Variants in EFCAB13 observed in about 807,000 individuals in gnomAD.
The protein encoded by EFCAB13 is EF-hand calcium binding domain 13, also known as EF-hand calcium-binding domain-containing protein 13.
EFCAB13 carries 91 observed loss-of-function variants against 110.2 expected under a neutral mutation model. The observed-to-expected ratio is 0.83, with a 90% confidence interval of 0.70 to 0.98. The LOEUF (loss-of-function observed/expected upper bound fraction) is 0.98. Ranked by LOEUF, EFCAB13 falls within the 50% of genes least tolerant of loss-of-function variation. EFCAB13 has a pLI of 0.00. For synonymous variants in EFCAB13, 323 were observed against 369.9 expected, an observed-to-expected ratio of 0.87 and a Z score of 1.45; for missense variants, 968 against 1,119.4, an observed-to-expected ratio of 0.86 and a Z score of 1.93.
In EFCAB13 at chr17:47,417,607, A is replaced by G. The variant is rs1453919702; in HGVS notation, c.2494+2688A>G. 2.0e-5 allele frequency among the ~76,000 whole-genome samples: 3 copies of G among 152,296 alleles called. No homozygotes were observed. The South Asian group carries it at 6.2e-4, about 32-fold the overall frequency. ...ATCCCTATCAAGTCATCTTCAGTTAATTCCTCTGGTGTGGTGTATATTAAC... is the reference window on the plus strand; with the variant it reads ...ATCCCTATCAAGTCATCTTCAGTTAGTTCCTCTGGTGTGGTGTATATTAAC... On this transcript the variant is annotated intron_variant, in intron 23 of 24. Transcript: ENST00000331493.
chr17:47,349,862 C>T (rs2065439402), intron 9 of EFCAB13, among the ~76,000 whole-genome samples: 1 of 145,732 alleles, frequency 6.9e-6, no homozygotes, highest in South Asian at 2.1e-4. Flanking sequence ...GCAAGCTCCG[C>T]TTCCCGGGTT....
At position 47,377,822 on chromosome 17, in the gene EFCAB13, C is replaced by A; in HGVS notation, c.1429C>A (p.Leu477Ile). 6.3e-7 allele frequency: 1 copy of A among 1,593,976 alleles called. No individual in the cohort carries two copies. Reference protein sequence around the residue: ...LQENYIAAEELQSILPSTGIN... With the variant: ...LQENYIAAEEIQSILPSTGIN... ...AGAAAATTACATTGCAGCAGAAGAA[C>A]TTCAGTCTATTTTGCCTTCAACAGG... The change falls in exon 13 of 25, where the codon CTT (leucine) becomes ATT (isoleucine). Residue 477 changes from leucine (L) to isoleucine (I), a missense_variant. Leu to Ile is a conservative substitution (Grantham distance 5). Coordinates refer to ENST00000331493, the MANE Select transcript of EFCAB13 (RefSeq NM_152347.5).
intron 4 of EFCAB13, among the ~76,000 whole-genome samples, chr17:47,331,682 C>G (rs2065320296): frequency 6.6e-6 from 1 of 152,092 alleles, no homozygotes; most frequent in Non-Finnish European, 1.5e-5. Flanking sequence ...ATTATAGTAT[C>G]ATACAGAATA....
chr17:47,421,179 A>G (rs1598762642), intron 23 of EFCAB13, among the ~76,000 whole-genome samples: 1 of 151,854 alleles, frequency 6.6e-6, no homozygotes, highest in African/African-American at 2.4e-5. Flanking sequence ...CCATGATGAC[A>G]ATGGCGGTTT....
chr17:47,374,554 G>C lies in EFCAB13; in HGVS notation c.960G>C (p.Lys320Asn). The C allele has an allele frequency of 6.3e-7, 1 of 1,588,470 alleles. No homozygotes were observed. The highest frequency in any genetic ancestry group is 8.5e-7 in the Non-Finnish European group (1 of 1,173,272). The change falls in exon 12 of 25, where the codon AAG becomes AAC. Residue 320 changes from lysine (K) to asparagine (N), a missense_variant. Physicochemically the swap from Lys to Asn is moderately conservative, Grantham distance 94. Transcript: ENST00000331493. ...SSVAGCYLKY[K>N]KKNSLSSKLP... ...TAGCAGGATGCTATCTAAAATATAA[G>C]AAGAAAAATAGTTTGTCTTCCAAAC...
At chr17:47,439,517 T>C (rs756019987) in intron 24 of EFCAB13, among the ~76,000 whole-genome samples, 12 of 152,184 alleles carry the variant, frequency 7.9e-5, no homozygotes, top group Non-Finnish European at 1.3e-4. Flanking sequence ...CTGACTGCGC[T>C]GGTCCTAAAT....
intron 10 of EFCAB13, among the ~76,000 whole-genome samples, chr17:47,366,849 G>A (rs139880655): frequency 1.4e-3 from 208 of 152,324 alleles, no homozygotes; most frequent in Middle Eastern, 3.4e-3. Context: ...TGTGAACATG[G>A]TTGACTACCA....
At chr17:47,364,558 GC>G (rs1164836571) in intron 10 of EFCAB13, among the ~76,000 whole-genome samples, 1 of 152,088 alleles carries the variant, frequency 6.6e-6, no homozygotes, top group East Asian at 1.9e-4. Flanking sequence ...TGATCCACCT[GC>G]CTTGGCCTCC....
At chr17:47,370,338 T>C in intron 10 of EFCAB13, 99 bp from the exon 11 acceptor site, 1 of 836,962 alleles carries the variant, frequency 1.2e-6, no homozygotes, top group Non-Finnish European at 2.0e-6. Context: ...TCTTTGTTCC[T>C]ACTTGCCACA....
At chr17:47,436,522 T>C (rs1031637823) in intron 24 of EFCAB13, among the ~76,000 whole-genome samples, 1 of 152,188 alleles carries the variant, frequency 6.6e-6, no homozygotes, top group Admixed American at 6.5e-5. Context: ...TCCAGGAATG[T>C]ATCCATGTCT....
intron 17 of EFCAB13, among the ~76,000 whole-genome samples, chr17:47,397,406 G>A (rs1241843952): frequency 4.6e-5 from 7 of 151,268 alleles, no homozygotes; most frequent in South Asian, 4.2e-4. Context: ...CCAAAGTGCC[G>A]AGATTGCAGC....
At chr17:47,371,059 G>T (rs1483800727) in intron 11 of EFCAB13, among the ~76,000 whole-genome samples, 11 of 121,788 alleles carry the variant, frequency 9.0e-5, no homozygotes, top group Non-Finnish European at 1.2e-4. Flanking sequence ...GTTTTTAATG[G>T]TTGTTTTTTT....
chr17:47,350,605 T>G (rs985348571), intron 9 of EFCAB13, among the ~76,000 whole-genome samples: 5 of 151,956 alleles, frequency 3.3e-5, no homozygotes, highest in African/African-American at 1.2e-4. Context: ...GTGTGTGTTT[T>G]TTTTTCTGTT....
rs1006384815 is a variant in EFCAB13 at position 47,344,106 on chromosome 17, G to T, written c.304-56G>T. The T allele has an allele frequency of 2.6e-6, 4 of 1,557,686 alleles. No homozygotes were observed. The African/African-American group carries it at 5.5e-5, about 21-fold the overall frequency. On this transcript the variant is annotated intron_variant, in intron 6 of 24. Coordinates refer to ENST00000331493, the MANE Select transcript of EFCAB13 (RefSeq NM_152347.5). ...TTTAAGAGTTGTATCATCCAAGAAT[G>T]CTGAATTACCAGTGTCACTCACCTC...
chr17:47,329,930 G>T (rs1004220289), intron 4 of EFCAB13: 2 of 152,230 alleles, frequency 1.3e-5, no homozygotes, highest in Middle Eastern at 6.8e-3. Context: ...TAAGACAAAT[G>T]ATGCAGATTC....
chr17:47,421,433 G>GAGT (rs1408707865), intron 23 of EFCAB13, among the ~76,000 whole-genome samples: 1 of 151,922 alleles, frequency 6.6e-6, no homozygotes, highest in Non-Finnish European at 1.5e-5. Context: ...AAGGCAGCAT[G>GAGT]CTCCTTAAGA....
At chr17:47,407,885 A>ATACTTG (rs1489523883) in intron 20 of EFCAB13, among the ~76,000 whole-genome samples, 3 of 152,130 alleles carry the variant, frequency 2.0e-5, no homozygotes, top group African/African-American at 7.2e-5. Context: ...TTAAGTCTTA[A>ATACTTG]TACTTGGCCC....
At chr17:47,335,001 T>C (rs952166640) in intron 4 of EFCAB13, among the ~76,000 whole-genome samples, 195 bp from the exon 5 acceptor site, 1 of 152,196 alleles carries the variant, frequency 6.6e-6, no homozygotes, top group African/African-American at 2.4e-5. Flanking sequence ...CTAAGGATAA[T>C]TGGAGTTATT....
intron 24 of EFCAB13, among the ~76,000 whole-genome samples, chr17:47,438,498 C>CTTTTT: frequency 7.0e-6 from 1 of 142,346 alleles, no homozygotes; most frequent in Non-Finnish European, 1.5e-5. Flanking sequence ...TAGTCTTATT[C>CTTTTT]TTTTTTTTTT....
Sources: allele counts gnomAD v4.1 joint callset (sites outside exome capture counted in the v4.1 genomes callset), GRCh38; gene constraint gnomAD v4.1.1; transcripts MANE v1.5; gene names NCBI Gene and HGNC (gene_info 2026-07-23, HGNC 2026-07-21).